The following CNNM2 variants were observed in gnomAD, a reference collection of about 807,000 sequenced individuals.
The protein encoded by CNNM2 is metal transporter CNNM2.
CNNM2 carries 12 observed loss-of-function variants against 66.9 expected under a neutral mutation model. That is an observed-to-expected ratio of 0.18 (90% CI 0.11 to 0.29). The LOEUF (loss-of-function observed/expected upper bound fraction) is 0.29. CNNM2 is among the 10% of genes least tolerant of loss of function. CNNM2 has a pLI of 1.00. For synonymous variants in CNNM2, 557 were observed against 501.8 expected (o/e 1.11, Z -1.47); for missense variants, 705 against 1,167.7 (o/e 0.60, Z 5.77).
intron 1 of CNNM2, among the ~76,000 whole-genome samples, chr10:102,965,311 T>C (rs752381127): frequency 6.6e-6 from 1 of 152,210 alleles, no homozygotes; most frequent in Non-Finnish European, 1.5e-5. Flanking sequence ...TTCTTTCTTT[T>C]TCCTCTTGAG....
intron 1 of CNNM2, among the ~76,000 whole-genome samples, chr10:103,017,607 A>C (rs2064479319): frequency 6.6e-6 from 1 of 152,198 alleles, no homozygotes; most frequent in Admixed American, 6.5e-5. Context: ...AGAAGTGGAG[A>C]CAGGAAGAGC....
chr10:103,027,953 G>T (rs2064739114), intron 1 of CNNM2, among the ~76,000 whole-genome samples: 1 of 151,554 alleles, frequency 6.6e-6, no homozygotes, highest in African/African-American at 2.4e-5. Context: ...CACACAGGTA[G>T]TATGTAACAG....
chr10:102,983,735 C>T (rs1036261437), intron 1 of CNNM2, among the ~76,000 whole-genome samples: 6 of 151,588 alleles, frequency 4.0e-5, no homozygotes, highest in African/African-American at 1.5e-4. Context: ...GCCACCTGGC[C>T]TAGTTTGTTT....
At chr10:103,001,571 A>G (rs897014385) in intron 1 of CNNM2, among the ~76,000 whole-genome samples, 2 of 152,188 alleles carry the variant, frequency 1.3e-5, no homozygotes, top group African/African-American at 2.4e-5. Context: ...TAGACTATTC[A>G]TTCTCATAGT....
At chr10:102,982,666 G>C (rs898488572) in intron 1 of CNNM2, among the ~76,000 whole-genome samples, 1 of 152,160 alleles carries the variant, frequency 6.6e-6, no homozygotes, top group African/African-American at 2.4e-5. Flanking sequence ...TTGTTTTCAT[G>C]AGTGTATTAA....
chr10:102,980,346 A>C (rs1217177669), intron 1 of CNNM2, among the ~76,000 whole-genome samples: 1 of 148,178 alleles, frequency 6.7e-6, no homozygotes, highest in Non-Finnish European at 1.5e-5. Flanking sequence ...TTCATAGCTC[A>C]CTGCAGCCTC....
At chr10:103,033,765 G>A (rs1020038813) in intron 1 of CNNM2, among the ~76,000 whole-genome samples, 2 of 152,160 alleles carry the variant, frequency 1.3e-5, no homozygotes, top group Non-Finnish European at 2.9e-5. Context: ...GATTACAGGC[G>A]TGAGCCACCG....
intron 5 of CNNM2, among the ~76,000 whole-genome samples, chr10:103,069,110 T>C (rs1226856032): frequency 6.6e-6 from 1 of 152,246 alleles, no homozygotes; most frequent in Non-Finnish European, 1.5e-5. Context: ...CTCCTTTCTC[T>C]GTGTCGTGCT....
intron 1 of CNNM2, among the ~76,000 whole-genome samples, chr10:103,027,818 G>A (rs1288135407): frequency 6.6e-6 from 1 of 152,076 alleles, no homozygotes; most frequent in Non-Finnish European, 1.5e-5. Context: ...CTTACTATGT[G>A]CCAGGCACTA....
intron 1 of CNNM2, among the ~76,000 whole-genome samples, chr10:103,004,903 T>C (rs991915907): frequency 1.3e-5 from 2 of 152,200 alleles, no homozygotes; most frequent in African/African-American, 4.8e-5. Flanking sequence ...AATCTGTAGA[T>C]CAACTTGAGA....
rs114130754 is a variant in CNNM2 at position 103,021,897 on chromosome 10, A to C, written c.1622-27810A>C. Among the ~76,000 whole-genome samples, 75 of 152,338 alleles carry C rather than the reference A, an allele frequency of 4.9e-4. No individual in the cohort carries two copies. The South Asian group carries it at 0.015, about 31-fold the overall frequency. Reference sequence around the variant, plus strand: ...TGTGAATATATATGTGTGTATGTATATGTAGTAATCTTAGCCAAAGATAGT... The same window carrying C: ...TGTGAATATATATGTGTGTATGTATCTGTAGTAATCTTAGCCAAAGATAGT... On this transcript the variant is annotated intron_variant, in intron 1 of 7. Coordinates refer to ENST00000369878, the MANE Select transcript of CNNM2 (RefSeq NM_017649.5).
At chr10:103,070,805 C>T (rs1226401038) in intron 5 of CNNM2, among the ~76,000 whole-genome samples, 5 of 152,184 alleles carry the variant, frequency 3.3e-5, no homozygotes, top group African/African-American at 1.2e-4. Flanking sequence ...TGGCACATGC[C>T]TGTAGTCCTA....
At chr10:103,049,931 C>A in intron 2 of CNNM2, 81 bp downstream of exon 2, 1 of 1,364,760 alleles carries the variant, frequency 7.3e-7, no homozygotes. Flanking sequence ...GACGTTTCTC[C>A]AGTTGCTGCC....
chr10:102,974,510 A>G (rs926347226), intron 1 of CNNM2, among the ~76,000 whole-genome samples: 2 of 152,192 alleles, frequency 1.3e-5, no homozygotes, highest in Admixed American at 6.5e-5. Flanking sequence ...CAACAAAAAT[A>G]AAATCTCAGA....
chr10:103,044,557 A>C (rs1239787056), intron 1 of CNNM2, among the ~76,000 whole-genome samples: 4 of 152,126 alleles, frequency 2.6e-5, no homozygotes, highest in Non-Finnish European at 5.9e-5. Flanking sequence ...CTCAGAAAAA[A>C]AAAAAAAAGT....
At chr10:102,920,933 G>A (rs1464386765) in intron 1 of CNNM2, 7 of 221,548 alleles carry the variant, frequency 3.2e-5, no homozygotes, top group African/African-American at 1.6e-4. Context: ...ACCTTTAACA[G>A]TGGGATGAAT....
chr10:102,975,481 A>AAAC (rs2063614324), intron 1 of CNNM2, among the ~76,000 whole-genome samples: 1 of 151,090 alleles, frequency 6.6e-6, no homozygotes, highest in Non-Finnish European at 1.5e-5. Flanking sequence ...AAAAAAAAAA[A>AAAC]AAAAAAACAA....
At chr10:103,064,159 T>C (rs536763875) in intron 4 of CNNM2, among the ~76,000 whole-genome samples, 1 of 152,326 alleles carries the variant, frequency 6.6e-6, no homozygotes, top group African/African-American at 2.4e-5. Context: ...TGCAACTTTA[T>C]ATGAAGTAAA....
intron 1 of CNNM2, among the ~76,000 whole-genome samples, chr10:103,045,590 C>G (rs957506781): frequency 6.6e-6 from 1 of 150,918 alleles, no homozygotes; most frequent in Non-Finnish European, 1.5e-5. Context: ...TTGCACCCCA[C>G]CCCCCGCCAC....
Sources: gnomAD v4.1 joint callset for allele counts (sites outside exome capture counted in the v4.1 genomes callset) on GRCh38, gnomAD v4.1.1 for gene constraint, MANE v1.5 for transcripts, NCBI Gene and HGNC (gene_info 2026-07-23, HGNC 2026-07-21) for gene names.